MBOAT1: variants seen among roughly 807,000 people sequenced by gnomAD.
The protein encoded by MBOAT1 is membrane-bound glycerophospholipid O-acyltransferase 1.
A neutral mutation model predicts 64.4 loss-of-function variants in MBOAT1; 67 were observed. The observed-to-expected ratio is 1.04, with a 90% CI of 0.85 to 1.27. The LOEUF (loss-of-function observed/expected upper bound fraction) is 1.27, where lower values mean the gene tolerates loss of function less well. Ranked by LOEUF, MBOAT1 falls within the 50% of genes most tolerant of loss-of-function variation. MBOAT1 has a pLI of 0.00. For missense variants in MBOAT1, 563 were observed against 604.6 expected (o/e 0.93, Z 0.72); for synonymous variants, 229 against 218.9 (o/e 1.05, Z -0.41).
At chr6:20,107,744 A>G (rs1309503075) in intron 12 of MBOAT1, among the ~76,000 whole-genome samples, 2 of 152,154 alleles carry the variant, frequency 1.3e-5, no homozygotes, top group Non-Finnish European at 2.9e-5. Context: ...TATTCCTTAA[A>G]AATCTTGTAT....
At position 20,172,588 on chromosome 6, in the gene MBOAT1, T is replaced by A. The variant is rs138454449; in HGVS notation, c.100-19819A>T. Among the ~76,000 whole-genome samples the A allele has an allele frequency of 3.7e-4, 56 of 152,316 alleles. 1 individual carries two copies. The highest frequency in any genetic ancestry group is 1.3e-3 in the African/African-American group (55 of 41,574). On this transcript the variant is annotated intron_variant, in intron 1 of 12. Coordinates refer to ENST00000324607, the MANE Select transcript of MBOAT1 (RefSeq NM_001080480.3). ...AGAATGTGATGTCAGCCTTTTTGCC[T>A]GCCCAAATTCGTAGTTAGCAAATAC...
intron 4 of MBOAT1, among the ~76,000 whole-genome samples, chr6:20,131,944 A>G (rs541874871): frequency 2.0e-4 from 31 of 152,186 alleles, no homozygotes; most frequent in African/African-American, 7.2e-4. Context: ...GTGCAGTGGC[A>G]TAAACATGGC....
intron 4 of MBOAT1, among the ~76,000 whole-genome samples, chr6:20,132,086 T>C (rs1321043768): frequency 6.6e-6 from 1 of 151,862 alleles, no homozygotes; most frequent in African/African-American, 2.4e-5. Flanking sequence ...TCTTACTCTG[T>C]TGCCCCAGCT....
At position 20,182,647 on chromosome 6, in the gene MBOAT1, C is replaced by T. The variant is rs558762801; in HGVS notation, c.99+29489G>A. ...GCCTCTTTCCTAAGCTGCCAGCCCA[C>T]AGACTGCCCCTTGCCCCTTCCTCCT... On this transcript the variant is annotated intron_variant, in intron 1 of 12. Coordinates refer to ENST00000324607, the MANE Select transcript of MBOAT1 (RefSeq NM_001080480.3). 2.0e-4 allele frequency among the ~76,000 whole-genome samples: 30 copies of T among 152,326 alleles called. 1 individual carries two copies. Among genetic ancestry groups the T allele is most frequent in the African/African-American group, 7.0e-4 (29 of 41,574 alleles).
intron 4 of MBOAT1, among the ~76,000 whole-genome samples, chr6:20,141,361 T>C (rs1761170090): frequency 4.3e-5 from 1 of 23,352 alleles, no homozygotes; most frequent in Non-Finnish European, 1.8e-4. Context: ...TTCTTTTTCT[T>C]TTTTTTTTTT....
rs188665857 is a variant in MBOAT1, at chr6:20,176,333, G to A, written c.100-23564C>T. On this transcript the variant is annotated intron_variant, in intron 1 of 12. Coordinates refer to ENST00000324607, the MANE Select transcript of MBOAT1 (RefSeq NM_001080480.3). ...TATCATACAGGCCAATAGATGGAAT[G>A]ACTGTCTGCAAAGAGCTATTTAGAA... 2.1e-4 allele frequency among the ~76,000 whole-genome samples: 32 copies of A among 152,072 alleles called. No homozygotes were observed. The East Asian group carries it at 5.4e-3, about 26-fold the overall frequency.
intron 7 of MBOAT1, among the ~76,000 whole-genome samples, chr6:20,125,449 T>C (rs2113650260): frequency 6.6e-6 from 1 of 152,354 alleles, no homozygotes; most frequent in South Asian, 2.1e-4. Context: ...ATCCCAGCCC[T>C]TTCCCAGCTG....
intron 4 of MBOAT1, among the ~76,000 whole-genome samples, chr6:20,139,613 G>A (rs1322286210): frequency 7.6e-6 from 1 of 130,756 alleles, no homozygotes; most frequent in Non-Finnish European, 1.5e-5. Flanking sequence ...GAGTACAGTG[G>A]CATTATCACA....
At chr6:20,110,610 C>A (rs1760109701) in intron 11 of MBOAT1, among the ~76,000 whole-genome samples, 1 of 151,840 alleles carries the variant, frequency 6.6e-6, no homozygotes, top group African/African-American at 2.4e-5. Flanking sequence ...AAATTTCTTT[C>A]TTTTTTAACA....
chr6:20,171,461 G>A (rs868222658), intron 1 of MBOAT1, among the ~76,000 whole-genome samples: 144 of 151,978 alleles, frequency 9.5e-4, no homozygotes, highest in African/African-American at 3.2e-3. Flanking sequence ...GCTGAGGCAG[G>A]AGGATCACTT....
In MBOAT1 at chr6:20,109,648, C is replaced by G; in HGVS notation, c.1311G>C (p.Thr437=). ...CTGCCAACATCACAAAGGGTGCTAC[C>G]GTGTAAGAGACAGCCAGCTGAGTGA... is the stretch of plus-strand genomic sequence containing the variant. ...WAVTQLAVSY[T]VAPFVMLAVE... The change falls in exon 12 of 13, where the codon ACG becomes ACC. Residue 437 remains threonine (T), a synonymous_variant. Coordinates refer to ENST00000324607, the MANE Select transcript of MBOAT1 (RefSeq NM_001080480.3). The G allele has an allele frequency of 6.2e-7, 1 of 1,614,110 alleles. No homozygotes were observed.
chr6:20,104,758 C>G (rs1288179860), intron 12 of MBOAT1, among the ~76,000 whole-genome samples: 1 of 152,192 alleles, frequency 6.6e-6, no homozygotes, highest in Non-Finnish European at 1.5e-5. Flanking sequence ...CCTAAACTTC[C>G]CCATCCTTTA....
Position 20,131,177 on chromosome 6 carries a change from T to C in MBOAT1, c.442A>G (p.Lys148Glu). 3 of 1,614,002 alleles carry C rather than the reference T, an allele frequency of 1.9e-6. No homozygotes were observed. The South Asian group carries it at 3.3e-5, about 18-fold the overall frequency. Residue 148 changes from lysine (K) to glutamate (E), a missense_variant, in exon 5 of 13, where the codon AAG (lysine) becomes GAG (glutamate). Coordinates refer to ENST00000324607, the MANE Select transcript of MBOAT1 (RefSeq NM_001080480.3). ...FSGPLMIVTQ[K>E]ITTLAFQVHD... is the part of the protein sequence containing the mutation. Reference sequence around the variant, plus strand: ...ACCTGGAATGCCAAGGTTGTGATCTTCTGAGTGACAATCATCAGAGGCCTG... The same window carrying C: ...ACCTGGAATGCCAAGGTTGTGATCTCCTGAGTGACAATCATCAGAGGCCTG...
chr6:20,204,285 G>C (rs1311897683), intron 1 of MBOAT1, among the ~76,000 whole-genome samples: 2 of 152,108 alleles, frequency 1.3e-5, no homozygotes, highest in African/African-American at 4.8e-5. Context: ...TGTGCATTGG[G>C]CACGTGATAT....
At chr6:20,197,836 A>G (rs1763001528) in intron 1 of MBOAT1, among the ~76,000 whole-genome samples, 1 of 152,130 alleles carries the variant, frequency 6.6e-6, no homozygotes, top group African/African-American at 2.4e-5. Flanking sequence ...ATTGATTGAG[A>G]GCTGTCTCAG....
intron 8 of MBOAT1, among the ~76,000 whole-genome samples, chr6:20,123,875 T>A (rs1760568549): frequency 6.6e-6 from 1 of 151,928 alleles, no homozygotes; most frequent in Non-Finnish European, 1.5e-5. Context: ...GCTAACACTG[T>A]GAAACCCCAT....
intron 4 of MBOAT1, among the ~76,000 whole-genome samples, chr6:20,139,954 C>A (rs1305794456): frequency 6.6e-6 from 1 of 152,116 alleles, no homozygotes; most frequent in East Asian, 1.9e-4. Context: ...ACACAGGGTT[C>A]CCCAGTCACT....
intron 1 of MBOAT1, among the ~76,000 whole-genome samples, chr6:20,188,103 T>C (rs2113752008): frequency 6.6e-6 from 1 of 152,348 alleles, no homozygotes; most frequent in African/African-American, 2.4e-5. Flanking sequence ...TACAAGGGCA[T>C]CTAACGAGAA....
At position 20,144,425 on chromosome 6, in the gene MBOAT1, C is replaced by T. The variant is rs1409364537; in HGVS notation, c.324-110G>A. On this transcript the variant is annotated intron_variant, in intron 3 of 12. Transcript: ENST00000324607. ...CTTCACGTGCAGTTGGTCACAATGT[C>T]CTATCTGGTCTGACGACATCCCAGG... The T allele has an allele frequency of 5.4e-6, 4 of 736,264 alleles. No individual in the cohort carries two copies. The African/African-American group carries it at 6.9e-5, about 13-fold the overall frequency. The allele number at this position is 736,264 out of a possible 1,614,324, so 45.6% of individuals were successfully genotyped here. A position where few individuals can be genotyped will look rare whatever the true frequency, so the allele number is the denominator to read the frequency against.
Sources: gnomAD v4.1 joint callset for allele counts (sites outside exome capture counted in the v4.1 genomes callset) on GRCh38, gnomAD v4.1.1 for gene constraint, MANE v1.5 for transcripts, NCBI Gene and HGNC (gene_info 2026-07-23, HGNC 2026-07-21) for gene names.